Variants in CNKSR3 observed in about 807,000 individuals in gnomAD.
CNKSR3 encodes CNKSR family member 3, also known as connector enhancer of kinase suppressor of ras 3.
A neutral mutation model predicts 67.7 loss-of-function variants in CNKSR3; 36 were observed. The ratio of observed to expected loss-of-function variants is 0.53; its 90% CI spans 0.41 to 0.70. The LOEUF (loss-of-function observed/expected upper bound fraction) is 0.70. CNKSR3 is among the 30% of genes least tolerant of loss of function. The pLI is 0.00. For missense variants in CNKSR3, 630 were observed against 695.2 expected (o/e 0.91, Z 1.05); for synonymous variants, 281 against 271.4 (o/e 1.04, Z -0.35).
At position 154,410,339 on chromosome 6, in the gene CNKSR3, G is replaced by T. The variant is rs200910224; in HGVS notation, c.1369+4C>A. On this transcript the variant is annotated splice_donor_region_variant and intron_variant, in intron 12 of 12. Coordinates refer to ENST00000607772, the MANE Select transcript of CNKSR3 (RefSeq NM_173515.4). ...GTTCCTTGGTTTGCTTGGATGAAAC[G>T]TACCTTTCCTGCCATGACCTCGAGG... 12 of 1,610,690 alleles carry T rather than the reference G, an allele frequency of 7.5e-6. No homozygotes were observed. Among genetic ancestry groups the T allele is most frequent in the Non-Finnish European group, 1.0e-5 (12 of 1,177,150 alleles).
At chr6:154,461,495 T>C (rs999165079) in intron 1 of CNKSR3, among the ~76,000 whole-genome samples, 12 of 152,222 alleles carry the variant, frequency 7.9e-5, no homozygotes, top group African/African-American at 2.2e-4. Context: ...AGAAACAGTA[T>C]GGCCTGTGGA....
rs1326482182 is a variant in CNKSR3 at position 154,402,315 on chromosome 6, C to T, written c.*4039G>A. ...ATCAACACAACTTTCAATTGCCCCGCCCAATATTCATATAGATGGGAACTC... is the reference window on the plus strand; with the variant it reads ...ATCAACACAACTTTCAATTGCCCCGTCCAATATTCATATAGATGGGAACTC... On this transcript the variant is annotated 3_prime_UTR_variant, in exon 13 of 13. Coordinates refer to ENST00000607772, the MANE Select transcript of CNKSR3 (RefSeq NM_173515.4). 6.6e-6 allele frequency: 1 copy of T among 152,200 alleles called. No individual in the cohort carries two copies. Among genetic ancestry groups the T allele is most frequent in the Non-Finnish European group, 1.5e-5 (1 of 68,034 alleles). 9.4% of individuals were successfully genotyped at this position (152,200 alleles called of 1,614,324 possible). A position where few individuals can be genotyped will look rare whatever the true frequency, so the allele number is the denominator to read the frequency against.
chr6:154,434,856 T>G (rs1184076416), intron 4 of CNKSR3, among the ~76,000 whole-genome samples: 7 of 152,248 alleles, frequency 4.6e-5, no homozygotes, highest in Admixed American at 3.9e-4. Context: ...ACTACCATTA[T>G]GGCTCATCCC....
In CNKSR3 at chr6:154,395,419, T is replaced by C. The variant is rs1189374068; in HGVS notation, c.*10935A>G. The stretch of plus-strand genomic sequence containing the variant: ...ATCTCTTTATTTTAATTTGTTTTCT[T>C]TGTTGAACTGCATCATAATTGAGTA... On this transcript the variant is annotated 3_prime_UTR_variant, in exon 13 of 13. Coordinates refer to ENST00000607772, the MANE Select transcript of CNKSR3 (RefSeq NM_173515.4). 4 of 152,192 alleles carry C rather than the reference T, an allele frequency of 2.6e-5. No homozygotes were observed. The highest frequency in any genetic ancestry group is 5.9e-5 in the Non-Finnish European group (4 of 68,036). The allele number at this position is 152,192 out of a possible 1,614,324, so 9.4% of individuals were successfully genotyped here.
At position 154,402,577 on chromosome 6, in the gene CNKSR3, G is replaced by A. The variant is rs1784730079; in HGVS notation, c.*3777C>T. 1 of 152,062 alleles carries A rather than the reference G, an allele frequency of 6.6e-6. No individual in the cohort carries two copies. The highest frequency in any genetic ancestry group is 1.5e-5 in the Non-Finnish European group (1 of 68,016). 9.4% of individuals were successfully genotyped at this position (152,062 alleles called of 1,614,324 possible). The stretch of plus-strand genomic sequence containing the variant: ...ACCAGGATGACTAGCACATAACCTG[G>A]GTAACTCCCTCATATGCAAAACGGG... On this transcript the variant is annotated 3_prime_UTR_variant, in exon 13 of 13. Transcript: ENST00000607772.
At chr6:154,467,840 A>C (rs1425470895) in intron 1 of CNKSR3, among the ~76,000 whole-genome samples, 1 of 148,170 alleles carries the variant, frequency 6.7e-6, no homozygotes, top group African/African-American at 2.5e-5. Context: ...GCTCACTGCA[A>C]CCTCCGCCTC....
intron 1 of CNKSR3, among the ~76,000 whole-genome samples, chr6:154,489,227 C>T (rs1039549785): frequency 5.3e-5 from 8 of 152,050 alleles, no homozygotes; most frequent in Non-Finnish European, 8.8e-5. Flanking sequence ...TTCAAGATTT[C>T]GGTGTAAAGT....
At chr6:154,498,195 C>T (rs1786914719) in intron 1 of CNKSR3, among the ~76,000 whole-genome samples, 1 of 152,140 alleles carries the variant, frequency 6.6e-6, no homozygotes. Context: ...ACAAATTATA[C>T]ATTAAAAAAG....
chr6:154,443,923 T>C (rs544212660), intron 2 of CNKSR3, among the ~76,000 whole-genome samples: 44 of 152,300 alleles, frequency 2.9e-4, no homozygotes, highest in African/African-American at 9.9e-4. Context: ...TGAACAATGT[T>C]CAGCTTATGT....
chr6:154,447,863 T>G (rs1267391545), intron 2 of CNKSR3, among the ~76,000 whole-genome samples: 2 of 152,230 alleles, frequency 1.3e-5, no homozygotes, highest in African/African-American at 4.8e-5. Context: ...CCAATTTATA[T>G]ATCCAAAGAT....
chr6:154,504,899 A>C (rs1787068254), intron 1 of CNKSR3, among the ~76,000 whole-genome samples: 1 of 151,760 alleles, frequency 6.6e-6, no homozygotes, highest in Non-Finnish European at 1.5e-5. Context: ...ATAAACACTT[A>C]GAACAGCGTC....
intron 2 of CNKSR3, 49 bp downstream of exon 2, chr6:154,450,045 AG>A: frequency 6.5e-7 from 1 of 1,536,984 alleles, no homozygotes; most frequent in Non-Finnish European, 8.9e-7. Context: ...TAAGAGAGCA[AG>A]GCTCTAAAGA....
chr6:154,505,583 C>T (rs565658633), intron 1 of CNKSR3, among the ~76,000 whole-genome samples: 63 of 150,716 alleles, frequency 4.2e-4, no homozygotes, highest in Admixed American at 1.4e-3. Context: ...CTGCAGCCTC[C>T]GCCTCCCGGG....
Position 154,510,191 on chromosome 6 carries a change from C to T in CNKSR3, c.-77G>A. 2 of 1,559,990 alleles carry T rather than the reference C, an allele frequency of 1.3e-6. No individual in the cohort carries two copies. The highest frequency in any genetic ancestry group is 1.8e-6 in the Non-Finnish European group (2 of 1,134,766). ...CTGCCTGCGCTCCGGTGCCCCTTCC[C>T]GGGAGGGCGCGCCCGCGGCTGCTCC... On this transcript the variant is annotated 5_prime_UTR_variant, in exon 1 of 13. Coordinates refer to ENST00000607772, the MANE Select transcript of CNKSR3 (RefSeq NM_173515.4).
chr6:154,457,536 A>G (rs931987137), intron 1 of CNKSR3, among the ~76,000 whole-genome samples: 2 of 152,164 alleles, frequency 1.3e-5, no homozygotes, highest in African/African-American at 4.8e-5. Context: ...CCTGGCCAAC[A>G]TAGTGAAACC....
intron 1 of CNKSR3, among the ~76,000 whole-genome samples, chr6:154,454,132 G>T (rs866620388): frequency 7.0e-6 from 1 of 143,238 alleles, no homozygotes; most frequent in Non-Finnish European, 1.5e-5. Flanking sequence ...GAGAGAGAGA[G>T]AGAGAGAGAG....
At chr6:154,430,679 A>T in intron 5 of CNKSR3, 88 bp from the exon 6 acceptor site, 1 of 1,291,220 alleles carries the variant, frequency 7.7e-7, no homozygotes. Flanking sequence ...CATTTCACCT[A>T]TAATTGTTAG....
In CNKSR3 at chr6:154,389,652, C is replaced by T. The variant is rs1347417536; in HGVS notation, c.*16702G>A. 6.8e-6 allele frequency: 1 copy of T among 147,096 alleles called. No homozygotes were observed. The highest frequency in any genetic ancestry group is 1.5e-5 in the Non-Finnish European group (1 of 67,450). The allele number at this position is 147,096 out of a possible 1,614,324, so 9.1% of individuals were successfully genotyped here. On this transcript the variant is annotated 3_prime_UTR_variant, in exon 13 of 13. Coordinates refer to ENST00000607772, the MANE Select transcript of CNKSR3 (RefSeq NM_173515.4). Reference sequence around the variant, plus strand: ...GACATCGTCTCATATATAGAACGCCCTAAGACTCCATTTTTTAAACATGTT... The same window carrying T: ...GACATCGTCTCATATATAGAACGCCTTAAGACTCCATTTTTTAAACATGTT...
chr6:154,481,471 CA>C (rs1269951475), intron 1 of CNKSR3, among the ~76,000 whole-genome samples: 2 of 152,226 alleles, frequency 1.3e-5, no homozygotes, highest in African/African-American at 4.8e-5. Flanking sequence ...AGCTCTAACA[CA>C]GTTTCTAAGT....
Sources: allele counts gnomAD v4.1 joint callset (sites outside exome capture counted in the v4.1 genomes callset), GRCh38; gene constraint gnomAD v4.1.1; transcripts MANE v1.5; gene names NCBI Gene and HGNC (gene_info 2026-07-23, HGNC 2026-07-21).